Variants in COG2 observed in about 807,000 individuals in gnomAD.
COG2 encodes conserved oligomeric Golgi complex subunit 2.
COG2 carries 52 observed loss-of-function variants against 90.6 expected under a neutral mutation model. That is an observed-to-expected ratio of 0.57 (90% confidence interval 0.46 to 0.72). The LOEUF (loss-of-function observed/expected upper bound fraction) is 0.72. Ranked by LOEUF, COG2 falls within the 30% of genes least tolerant of loss-of-function variation. COG2 has a pLI of 0.00. For synonymous variants in COG2, 337 were observed against 320.4 expected, an observed-to-expected ratio of 1.05 and a Z score of -0.55; for missense variants, 829 against 891.2, an observed-to-expected ratio of 0.93 and a Z score of 0.89.
At chr1:230,646,512 A>G (rs1052199547) in intron 1 of COG2, among the ~76,000 whole-genome samples, 2 of 152,058 alleles carry the variant, frequency 1.3e-5, no homozygotes, top group Non-Finnish European at 2.9e-5. Context: ...CATGCTGTGC[A>G]CTTTCCGCAG....
intron 1 of COG2, among the ~76,000 whole-genome samples, chr1:230,658,480 G>GTGTGAAGTA: frequency 6.6e-6 from 1 of 151,892 alleles, no homozygotes; most frequent in Non-Finnish European, 1.5e-5. Context: ...TGTGTGAAGT[G>GTGTGAAGTA]TCTCTCAGCC....
chr1:230,685,324 A>G, intron 12 of COG2, 88 bp downstream of exon 12: 1 of 1,378,888 alleles, frequency 7.3e-7, no homozygotes, highest in Non-Finnish European at 1.0e-6. Context: ...TTTTGTAAAT[A>G]CCATGAGAGG....
At chr1:230,678,014 C>T in intron 9 of COG2, 1 of 985,284 alleles carries the variant, frequency 1.0e-6, no homozygotes, top group Non-Finnish European at 1.2e-6. Context: ...AAATTTAAAG[C>T]CTGTAGTTTT....
At chr1:230,690,337 T>C (rs774315327) in intron 16 of COG2, 184 bp downstream of exon 16, 3 of 511,522 alleles carry the variant, frequency 5.9e-6, no homozygotes. Flanking sequence ...GTGGACGGCC[T>C]GTGGGCTGGC....
Position 230,679,014 on chromosome 1 carries a change from C to T in COG2, c.1128C>T (p.Phe376=). ...GAGCCCATCCTGCCTATCACAGCTT[C>T]AATAAGAAGTGGAACTTGCCTGTTT... The part of the protein sequence containing the change: ...RLRAHPAYHS[F]NKKWNLPVYF... Residue 376 remains phenylalanine, a synonymous_variant, in exon 10 of 18, where the codon TTC becomes TTT. Transcript: ENST00000366669. 1 of 1,613,534 alleles carries T rather than the reference C, an allele frequency of 6.2e-7. No homozygotes were observed. Among genetic ancestry groups the T allele is most frequent in the South Asian group, 1.1e-5 (1 of 91,066 alleles).
At chr1:230,659,912 A>G (rs931127499) in intron 2 of COG2, among the ~76,000 whole-genome samples, 3 of 152,234 alleles carry the variant, frequency 2.0e-5, no homozygotes, top group Non-Finnish European at 4.4e-5. Context: ...GCTGATTACC[A>G]TGAAATCTCT....
At chr1:230,659,815 A>G (rs754203569) in intron 2 of COG2, among the ~76,000 whole-genome samples, 190 bp downstream of exon 2, 5 of 152,218 alleles carry the variant, frequency 3.3e-5, no homozygotes, top group Non-Finnish European at 5.9e-5. Context: ...TTTACTTAAG[A>G]CTATTCTAAA....
At chr1:230,657,393 C>T (rs1448589473) in intron 1 of COG2, among the ~76,000 whole-genome samples, 2 of 152,082 alleles carry the variant, frequency 1.3e-5, no homozygotes, top group Non-Finnish European at 2.9e-5. Flanking sequence ...TAATATTGGC[C>T]CCCAGTCTCT....
At chr1:230,692,234 C>T (rs1304529851) in intron 17 of COG2, among the ~76,000 whole-genome samples, 1 of 151,370 alleles carries the variant, frequency 6.6e-6, no homozygotes, top group African/African-American at 2.4e-5. Context: ...AAGCGTCGCA[C>T]ATAGTAGTAG....
At chr1:230,667,987 A>G (rs1332781072) in intron 5 of COG2, among the ~76,000 whole-genome samples, 2 of 152,184 alleles carry the variant, frequency 1.3e-5, no homozygotes, top group Non-Finnish European at 2.9e-5. Flanking sequence ...ATGCCCTCTC[A>G]CTAGGACCCA....
chr1:230,659,655 A>T, intron 2 of COG2, 30 bp downstream of exon 2: 1 of 1,597,218 alleles, frequency 6.3e-7, no homozygotes, highest in Non-Finnish European at 8.5e-7. Flanking sequence ...TCCCATTTAC[A>T]TACATACAAT....
chr1:230,678,095 G>C, intron 9 of COG2: 1 of 985,414 alleles, frequency 1.0e-6, no homozygotes, highest in African/African-American at 1.7e-5. Context: ...ACCCTGGATT[G>C]AGCCCCTTTT....
intron 9 of COG2, chr1:230,678,039 CCTTT>C: frequency 1.0e-6 from 1 of 985,404 alleles, no homozygotes; most frequent in Non-Finnish European, 1.2e-6. Context: ...ACTGTAAGAT[CCTTT>C]CTAAGCACAG....
At chr1:230,666,069 A>G (rs1662313880) in intron 5 of COG2, among the ~76,000 whole-genome samples, 1 of 152,134 alleles carries the variant, frequency 6.6e-6, no homozygotes, top group African/African-American at 2.4e-5. Flanking sequence ...CTTTATCTGC[A>G]GACGAACTTC....
At chr1:230,650,590 C>A (rs959507793) in intron 1 of COG2, among the ~76,000 whole-genome samples, 5 of 152,076 alleles carry the variant, frequency 3.3e-5, no homozygotes, top group Non-Finnish European at 7.4e-5. Context: ...CTTGTAGACT[C>A]CGGATATTAG....
In COG2 at chr1:230,689,722, G is replaced by A. The variant is rs78369613; in HGVS notation, c.1795-292G>A. 8.0e-3 allele frequency among the ~76,000 whole-genome samples: 1,212 copies of A among 152,272 alleles called. 14 individuals are homozygous for A. The highest frequency in any genetic ancestry group is 0.027 in the African/African-American group (1,137 of 41,566). ...GTGATTGGTGTGGACGTGAGGCCAC[G>A]GGAAGCAGTGCCCTAGTTTCGGTGC... is the stretch of plus-strand genomic sequence containing the variant. On this transcript the variant is annotated intron_variant, in intron 15 of 17. Coordinates refer to ENST00000366669, the MANE Select transcript of COG2 (RefSeq NM_007357.3).
intron 7 of COG2, chr1:230,670,247 A>C (rs1405177869): frequency 6.6e-6 from 1 of 152,256 alleles, no homozygotes; most frequent in Non-Finnish European, 1.5e-5. Context: ...GATATTCAAC[A>C]GTTTCTGACA....
In COG2 at chr1:230,664,583, A is replaced by G. The variant is rs749928932; in HGVS notation, c.481A>G (p.Ser161Gly). The change falls in exon 5 of 18, where the codon AGC becomes GGC. Residue 161 changes from serine to glycine, a missense_variant. Coordinates refer to ENST00000366669, the MANE Select transcript of COG2 (RefSeq NM_007357.3). The stretch of plus-strand genomic sequence containing the variant: ...TAAAGAAACCTCTGCACTAGAAGCA[A>G]GCAGGTAAGTATTTTTTATTAAATA... ...SSKETSALEASSPLLTGQILE... is the reference protein window; with the variant it reads ...SSKETSALEAGSPLLTGQILE... 6.7e-7 allele frequency: 1 copy of G among 1,496,352 alleles called. No homozygotes were observed. Among genetic ancestry groups the G allele is most frequent in the Non-Finnish European group, 9.1e-7 (1 of 1,100,866 alleles). 92.7% of individuals were successfully genotyped at this position (1,496,352 alleles called of 1,614,324 possible).
chr1:230,664,224 A>G (rs191952158), intron 4 of COG2, among the ~76,000 whole-genome samples: 49 of 151,846 alleles, frequency 3.2e-4, no homozygotes, highest in African/African-American at 1.2e-3. Flanking sequence ...GAATAAGGAT[A>G]TAATATAAGA....
Sources: allele counts gnomAD v4.1 joint callset (sites outside exome capture counted in the v4.1 genomes callset), GRCh38; gene constraint gnomAD v4.1.1; transcripts MANE v1.5; gene names NCBI Gene and HGNC (gene_info 2026-07-23, HGNC 2026-07-21).